RBFOX1: variants seen among roughly 807,000 people sequenced by gnomAD.
The protein encoded by RBFOX1 is RNA binding fox-1 homolog 1, also known as RNA binding protein fox-1 homolog 1.
RBFOX1 carries 8 observed loss-of-function variants against 57.7 expected under a neutral mutation model. That is an observed-to-expected ratio of 0.14 (90% CI 0.08 to 0.25). The LOEUF (loss-of-function observed/expected upper bound fraction) is 0.25, where lower values mean the gene tolerates loss of function less well. RBFOX1 is among the 10% of genes least tolerant of loss of function. The pLI, the probability that RBFOX1 is intolerant of heterozygous loss-of-function variation, is 1.00. For missense variants in RBFOX1, 611 were observed against 548.5 expected, an observed-to-expected ratio of 1.11 and a Z score of -1.14; for synonymous variants, 326 against 222.4, an observed-to-expected ratio of 1.47 and a Z score of -4.15.
At chr16:6,263,294 A>G (rs775111568) in intron 1 of RBFOX1, among the ~76,000 whole-genome samples, 1 of 152,168 alleles carries the variant, frequency 6.6e-6, no homozygotes, top group Non-Finnish European at 1.5e-5. Context: ...ATTCTAGCAT[A>G]GAATTGAATT....
intron 2 of RBFOX1, among the ~76,000 whole-genome samples, chr16:6,405,720 T>C (rs1448457132): frequency 1.3e-5 from 2 of 152,252 alleles, no homozygotes; most frequent in East Asian, 3.9e-4. Context: ...AAACTGTAAT[T>C]CCACAGAACA....
At chr16:6,282,436 G>A (rs190855976) in intron 1 of RBFOX1, among the ~76,000 whole-genome samples, 16 of 146,562 alleles carry the variant, frequency 1.1e-4, no homozygotes, top group Non-Finnish European at 2.1e-4. Context: ...TTGTTACACA[G>A]ATAAACATGT....
chr16:7,177,040 C>T (rs566677895), intron 4 of RBFOX1, among the ~76,000 whole-genome samples: 3 of 152,126 alleles, frequency 2.0e-5, no homozygotes, highest in African/African-American at 7.2e-5. Context: ...ATTCAGGAAC[C>T]ACCCCAGGTT....
At chr16:6,284,567 G>A (rs1488525300) in intron 1 of RBFOX1, among the ~76,000 whole-genome samples, 1 of 152,138 alleles carries the variant, frequency 6.6e-6, no homozygotes, top group Admixed American at 6.5e-5. Context: ...AGACGCCATA[G>A]CAACAATATT....
At chr16:6,982,039 A>T (rs1337042110) in intron 3 of RBFOX1, among the ~76,000 whole-genome samples, 1 of 152,214 alleles carries the variant, frequency 6.6e-6, no homozygotes, top group Non-Finnish European at 1.5e-5. Flanking sequence ...TTACAAATTT[A>T]TGTAAAATTT....
intron 2 of RBFOX1, among the ~76,000 whole-genome samples, chr16:6,491,131 A>G (rs989201499): frequency 6.6e-6 from 1 of 152,030 alleles, no homozygotes; most frequent in African/African-American, 2.4e-5. Flanking sequence ...TAGTTAAGCT[A>G]TAGATATGTA....
At chr16:6,926,096 A>T (rs2075533750) in intron 3 of RBFOX1, among the ~76,000 whole-genome samples, 1 of 151,982 alleles carries the variant, frequency 6.6e-6, no homozygotes, top group Admixed American at 6.6e-5. Flanking sequence ...ACTTGAGGTC[A>T]GGAGTTCAAG....
intron 3 of RBFOX1, among the ~76,000 whole-genome samples, chr16:5,791,868 A>C (rs1403373173): frequency 6.6e-6 from 1 of 152,184 alleles, no homozygotes; most frequent in Non-Finnish European, 1.5e-5. Context: ...GAAAATGGCA[A>C]TTGTCACTGT....
chr16:5,831,620 G>T (rs900838251), intron 3 of RBFOX1, among the ~76,000 whole-genome samples: 1 of 151,948 alleles, frequency 6.6e-6, no homozygotes, highest in East Asian at 1.9e-4. Context: ...CTCCTGAGTA[G>T]CTGGGGTTAC....
At chr16:5,597,398 T>C (rs1351186308) in intron 2 of RBFOX1, among the ~76,000 whole-genome samples, 37 of 63,724 alleles carry the variant, frequency 5.8e-4, no homozygotes, top group African/African-American at 4.3e-3. Flanking sequence ...TTGCTGACTT[T>C]TTTTTTTTTT....
intron 3 of RBFOX1, among the ~76,000 whole-genome samples, chr16:6,821,569 C>G (rs74871827): frequency 9.9e-5 from 15 of 152,252 alleles, no homozygotes; most frequent in Middle Eastern, 3.4e-3. Context: ...TCCCCCCAAC[C>G]GCTGGTAACC....
At chr16:5,599,153 T>C in exon 3 of RBFOX1, 1 of 702,226 alleles carries the variant, frequency 1.4e-6, no homozygotes, top group Non-Finnish European at 2.6e-6. Context: ...TTGGGCCGTA[T>C]TCCCAGCCTC....
chr16:6,039,792 A>G (rs978565956), intron 1 of RBFOX1, among the ~76,000 whole-genome samples: 5 of 152,242 alleles, frequency 3.3e-5, no homozygotes, highest in African/African-American at 7.2e-5. Context: ...GAAAACAGCT[A>G]TCTTTTGAGG....
At chr16:6,754,278 C>G (rs1417934314) in intron 3 of RBFOX1, among the ~76,000 whole-genome samples, 1 of 152,162 alleles carries the variant, frequency 6.6e-6, no homozygotes, top group East Asian at 1.9e-4. Context: ...AAATGCATTG[C>G]TGACTCTCCG....
rs145910547 is a variant in RBFOX1 at position 7,079,255 on chromosome 16, A to G, written c.27+27157A>G. Among the ~76,000 whole-genome samples the G allele has an allele frequency of 5.5e-3, 830 of 152,218 alleles. 8 individuals carry two copies. The highest frequency in any genetic ancestry group is 0.019 in the African/African-American group (782 of 41,548). ...ACCCAGTTTTACTTGCTCATCATAC[A>G]TCTGGCTCTGCCCCAACTGGAGCTT... On this transcript the variant is annotated intron_variant, in intron 4 of 15. Transcript: ENST00000550418.
chr16:5,468,673 C>T (rs1221596455), intron 2 of RBFOX1, among the ~76,000 whole-genome samples: 1 of 152,226 alleles, frequency 6.6e-6, no homozygotes, highest in Non-Finnish European at 1.5e-5. Context: ...AAAATGTGGT[C>T]TATCCATGCA....
chr16:5,576,042 A>C (rs548870957), intron 2 of RBFOX1, among the ~76,000 whole-genome samples: 8 of 152,150 alleles, frequency 5.3e-5, no homozygotes, highest in African/African-American at 1.9e-4. Context: ...GCTGGAGTAC[A>C]GTGGTGCAAT....
At chr16:7,342,645 T>C (rs1366641648) in intron 4 of RBFOX1, among the ~76,000 whole-genome samples, 1 of 152,166 alleles carries the variant, frequency 6.6e-6, no homozygotes, top group African/African-American at 2.4e-5. Flanking sequence ...AGGACACATG[T>C]GTTTGGCCTG....
At chr16:6,728,021 T>C (rs1258105015) in intron 3 of RBFOX1, among the ~76,000 whole-genome samples, 1 of 152,356 alleles carries the variant, frequency 6.6e-6, no homozygotes, top group East Asian at 1.9e-4. Flanking sequence ...AGTATTTCCA[T>C]CCTCACAGGT....
Sources: allele counts gnomAD v4.1 joint callset (sites outside exome capture counted in the v4.1 genomes callset), GRCh38; gene constraint gnomAD v4.1.1; transcripts MANE v1.5; gene names NCBI Gene and HGNC (gene_info 2026-07-23, HGNC 2026-07-21).